The following RBFOX1 variants were observed in gnomAD, a reference collection of about 807,000 sequenced individuals.
RBFOX1 encodes RNA binding protein fox-1 homolog 1.
RBFOX1 carries 8 observed loss-of-function variants against 57.7 expected under a neutral mutation model. That is an observed-to-expected ratio of 0.14 (90% CI 0.08 to 0.25). The LOEUF is 0.25. Among genes scored for constraint, RBFOX1 ranks in the 10% least tolerant of loss-of-function variants. The probability of loss-of-function intolerance (pLI) is 1.00; values close to 1 mark genes in which losing one functional copy is unlikely to be tolerated. For missense variants in RBFOX1, 611 were observed against 548.5 expected, an observed-to-expected ratio of 1.11 and a Z score of -1.14; for synonymous variants, 326 against 222.4, an observed-to-expected ratio of 1.47 and a Z score of -4.15.
intron 2 of RBFOX1, among the ~76,000 whole-genome samples, chr16:6,625,154 A>G (rs1421548368): frequency 1.3e-5 from 1 of 77,626 alleles, no homozygotes. Context: ...CACCAACCCT[A>G]TCTAAAAAAA....
intron 3 of RBFOX1, among the ~76,000 whole-genome samples, chr16:6,895,663 A>G (rs2066716415): frequency 6.6e-6 from 1 of 151,578 alleles, no homozygotes; most frequent in African/African-American, 2.4e-5. Flanking sequence ...TTTTGTGGAA[A>G]GGAGGCAAAA....
chr16:7,475,618 G>A (rs999808767), intron 4 of RBFOX1, among the ~76,000 whole-genome samples: 2 of 152,006 alleles, frequency 1.3e-5, no homozygotes, highest in Non-Finnish European at 2.9e-5. Context: ...AGCTAGGATG[G>A]GCATTCTTGT....
intron 3 of RBFOX1, among the ~76,000 whole-genome samples, chr16:6,745,726 T>G (rs1414570484): frequency 2.0e-5 from 3 of 152,168 alleles, no homozygotes; most frequent in African/African-American, 7.2e-5. Context: ...CCCCCAAGAT[T>G]GGGAACAAAG....
intron 4 of RBFOX1, among the ~76,000 whole-genome samples, chr16:7,297,633 C>T (rs11643475): frequency 0.02 from 3,027 of 152,108 alleles, 54 homozygotes; most frequent in Non-Finnish European, 0.034. Context: ...AAGTTACCAC[C>T]ATTAAAAAAA....
intron 4 of RBFOX1, among the ~76,000 whole-genome samples, chr16:7,487,309 T>C (rs189735197): frequency 2.6e-4 from 40 of 152,286 alleles, no homozygotes; most frequent in African/African-American, 8.4e-4. Context: ...AGCGGCCCCA[T>C]CACTGTCTTG....
intron 4 of RBFOX1, among the ~76,000 whole-genome samples, chr16:5,938,826 C>T (rs750209534): frequency 1.3e-5 from 2 of 152,070 alleles, no homozygotes; most frequent in Non-Finnish European, 2.9e-5. Context: ...CTCAGCTGAG[C>T]CTAGCCCAAA....
chr16:6,169,071 T>C (rs1567603986), intron 1 of RBFOX1, among the ~76,000 whole-genome samples: 1 of 152,194 alleles, frequency 6.6e-6, no homozygotes, highest in African/African-American at 2.4e-5. Flanking sequence ...TCACTTCGTT[T>C]AGCCACATTC....
At chr16:7,305,891 C>T (rs565413334) in intron 4 of RBFOX1, among the ~76,000 whole-genome samples, 38 of 152,292 alleles carry the variant, frequency 2.5e-4, no homozygotes, top group African/African-American at 9.1e-4. Flanking sequence ...TATGCTTCAT[C>T]TTCCACAATT....
At chr16:7,209,490 G>T (rs1005648805) in intron 4 of RBFOX1, among the ~76,000 whole-genome samples, 4 of 152,158 alleles carry the variant, frequency 2.6e-5, no homozygotes, top group South Asian at 2.1e-4. Context: ...TGCACTTGCA[G>T]TTGGCTCCTG....
intron 11 of RBFOX1, among the ~76,000 whole-genome samples, chr16:7,650,960 G>A (rs76394501): frequency 1.8e-3 from 280 of 152,184 alleles, no homozygotes; most frequent in African/African-American, 6.4e-3. Flanking sequence ...GACCCCACAC[G>A]TCTCTGCGGT....
chr16:7,481,505 T>C (rs769822219), intron 4 of RBFOX1, among the ~76,000 whole-genome samples: 3 of 152,226 alleles, frequency 2.0e-5, no homozygotes, highest in Non-Finnish European at 4.4e-5. Flanking sequence ...GAATCTATCA[T>C]ACCTTAATTT....
chr16:6,247,364 A>G (rs2097575092), intron 1 of RBFOX1, among the ~76,000 whole-genome samples: 1 of 152,190 alleles, frequency 6.6e-6, no homozygotes, highest in East Asian at 1.9e-4. Flanking sequence ...GCAGCTGGTC[A>G]CATGTGTGAT....
rs138231273 is a variant in RBFOX1 at position 5,464,355 on chromosome 16, G to A, written c.220-2861G>A. Among the ~76,000 whole-genome samples the A allele has an allele frequency of 2.3e-3, 354 of 152,348 alleles. 4 individuals carry two copies. Among genetic ancestry groups the A allele is most frequent in the African/African-American group, 7.9e-3 (329 of 41,584 alleles). On this transcript the variant is annotated intron_variant, in intron 1 of 2. Coordinates refer to the RBFOX1 transcript ENST00000585867. ...GGAGGGCAAAGGGCAGACCCTACGG[G>A]TTGTTTGCATTCCTAGGATAGGCAT...
rs886299666 is a variant in RBFOX1 at position 7,635,573 on chromosome 16, G to A, written c.757+4890G>A. Among the ~76,000 whole-genome samples, 3 of 152,234 alleles carry A rather than the reference G, an allele frequency of 2.0e-5. No individual in the cohort carries two copies. The South Asian group carries it at 6.2e-4, about 32-fold the overall frequency. On this transcript the variant is annotated intron_variant, in intron 11 of 15. Coordinates refer to ENST00000550418, the MANE Select transcript of RBFOX1 (RefSeq NM_018723.4). Reference sequence around the variant, plus strand: ...GGACATACACACATGCAATGGTGGGGGCGGGGGACGGTGTGTTATTAGTTT... The same window carrying A: ...GGACATACACACATGCAATGGTGGGAGCGGGGGACGGTGTGTTATTAGTTT...
intron 4 of RBFOX1, among the ~76,000 whole-genome samples, chr16:7,103,303 G>C (rs955856431): frequency 1.3e-5 from 2 of 152,124 alleles, no homozygotes; most frequent in Non-Finnish European, 2.9e-5. Context: ...TCTCAAGTCA[G>C]TATAGCAATG....
intron 2 of RBFOX1, among the ~76,000 whole-genome samples, chr16:6,350,300 G>A (rs1384207960): frequency 6.6e-6 from 1 of 151,732 alleles, no homozygotes; most frequent in African/African-American, 2.4e-5. Context: ...GCCGGGTGTG[G>A]TTGCGTTGCG....
intron 4 of RBFOX1, among the ~76,000 whole-genome samples, chr16:7,125,910 C>G (rs2068404079): frequency 6.6e-6 from 1 of 152,086 alleles, no homozygotes; most frequent in Non-Finnish European, 1.5e-5. Context: ...TGGCAAAACT[C>G]CATCTCTACT....
chr16:7,027,355 TA>T (rs755447676), intron 3 of RBFOX1, among the ~76,000 whole-genome samples: 1 of 152,218 alleles, frequency 6.6e-6, no homozygotes, highest in Non-Finnish European at 1.5e-5. Context: ...AGGAACTGCT[TA>T]AAGTATTTTT....
At chr16:7,704,020 T>G (rs2081603622) in intron 14 of RBFOX1, among the ~76,000 whole-genome samples, 1 of 152,212 alleles carries the variant, frequency 6.6e-6, no homozygotes, top group Non-Finnish European at 1.5e-5. Context: ...AATATTTACC[T>G]GGCTTTCTTG....
Sources: allele counts gnomAD v4.1 joint callset (sites outside exome capture counted in the v4.1 genomes callset), GRCh38; gene constraint gnomAD v4.1.1; transcripts MANE v1.5; gene names NCBI Gene and HGNC (gene_info 2026-07-23, HGNC 2026-07-21).